TEK: variants seen among roughly 807,000 people sequenced by gnomAD.
TEK encodes angiopoietin-1 receptor.
TEK carries 43 observed loss-of-function variants against 131.8 expected under a neutral mutation model. The ratio of observed to expected loss-of-function variants is 0.33; its 90% CI spans 0.26 to 0.42. The LOEUF is 0.42. TEK is among the 10% of genes least tolerant of loss of function. TEK has a pLI of 1.00. For missense variants in TEK, 1,162 were observed against 1,384.4 expected, an observed-to-expected ratio of 0.84 and a Z score of 2.55; for synonymous variants, 580 against 491.6, an observed-to-expected ratio of 1.18 and a Z score of -2.38.
chr9:27,172,896 C>A (rs1006407726), intron 5 of TEK, 149 bp downstream of exon 5: 2 of 1,140,450 alleles, frequency 1.8e-6, no homozygotes, highest in Admixed American at 2.1e-5. Flanking sequence ...GAAAAAGGTG[C>A]CTTTTCCTAA....
intron 1 of TEK, among the ~76,000 whole-genome samples, chr9:27,132,241 C>T (rs1822255520): frequency 6.6e-6 from 1 of 152,008 alleles, no homozygotes; most frequent in Non-Finnish European, 1.5e-5. Flanking sequence ...GCGTGCACCA[C>T]CACACCTGAC....
intron 1 of TEK, among the ~76,000 whole-genome samples, chr9:27,151,593 A>AGT (rs2083840573): frequency 6.6e-6 from 1 of 152,172 alleles, no homozygotes; most frequent in African/African-American, 2.4e-5. Context: ...AGTCTGATAA[A>AGT]GTTTACCATT....
At chr9:27,207,428 G>C (rs575451984) in intron 15 of TEK, among the ~76,000 whole-genome samples, 3 of 152,204 alleles carry the variant, frequency 2.0e-5, no homozygotes, top group African/African-American at 7.2e-5. Context: ...ACTCAGGTTT[G>C]CAGAGAAAAC....
chr9:27,142,175 T>G (rs951939787), intron 1 of TEK, among the ~76,000 whole-genome samples: 1 of 152,176 alleles, frequency 6.6e-6, no homozygotes, highest in Non-Finnish European at 1.5e-5. Flanking sequence ...AGAGCTAGAA[T>G]GGACAGACAA....
intron 12 of TEK, among the ~76,000 whole-genome samples, chr9:27,198,918 C>T (rs978461606): frequency 6.6e-6 from 1 of 152,164 alleles, no homozygotes; most frequent in Non-Finnish European, 1.5e-5. Context: ...CCACCTCAGC[C>T]TCCTGAGTAG....
chr9:27,136,601 A>G (rs1564051470), intron 1 of TEK, among the ~76,000 whole-genome samples: 1 of 152,164 alleles, frequency 6.6e-6, no homozygotes, highest in Non-Finnish European at 1.5e-5. Flanking sequence ...ATACAGAGAC[A>G]CGGGGACTGA....
At chr9:27,136,332 G>C (rs1403036763) in intron 1 of TEK, among the ~76,000 whole-genome samples, 4 of 151,998 alleles carry the variant, frequency 2.6e-5, no homozygotes, top group South Asian at 2.1e-4. Flanking sequence ...CACCCACCTC[G>C]GTCTCCCAAA....
intron 1 of TEK, among the ~76,000 whole-genome samples, chr9:27,146,720 A>ATTTTTTTTTTTTTT (rs34727945): frequency 8.8e-6 from 1 of 113,692 alleles, no homozygotes; most frequent in African/African-American, 3.3e-5. Flanking sequence ...TAAACATTCT[A>ATTTTTTTTTTTTTT]TTTTTTTTTT....
At chr9:27,186,044 T>A (rs1314946204) in intron 9 of TEK, among the ~76,000 whole-genome samples, 1 of 152,208 alleles carries the variant, frequency 6.6e-6, no homozygotes, top group African/African-American at 2.4e-5. Context: ...ATTGCCGTTG[T>A]GACTTCCTGT....
At chr9:27,156,390 G>T (rs1180909378) in intron 1 of TEK, among the ~76,000 whole-genome samples, 2 of 151,932 alleles carry the variant, frequency 1.3e-5, no homozygotes, top group African/African-American at 4.8e-5. Flanking sequence ...TAAAACAGGA[G>T]GCCAAATTAG....
Position 27,229,352 on chromosome 9 carries a change from A to G in TEK, c.*120A>G. On this transcript the variant is annotated 3_prime_UTR_variant, in exon 23 of 23. Coordinates refer to ENST00000380036, the MANE Select transcript of TEK (RefSeq NM_000459.5). Reference sequence around the variant, plus strand: ...ATATAAGTGTACATATGTGCTGTACACCTGGGACCTTCACCACTGTAGATC... The same window carrying G: ...ATATAAGTGTACATATGTGCTGTACGCCTGGGACCTTCACCACTGTAGATC... The G allele has an allele frequency of 1.1e-6, 1 of 944,502 alleles. No individual in the cohort carries two copies. The highest frequency in any genetic ancestry group is 1.7e-6 in the Non-Finnish European group (1 of 581,486). The allele number at this position is 944,502 out of a possible 1,614,324, so 58.5% of individuals were successfully genotyped here. A position where few individuals can be genotyped will look rare whatever the true frequency, so the allele number is the denominator to read the frequency against.
chr9:27,144,066 G>A (rs1432513485), intron 1 of TEK, among the ~76,000 whole-genome samples: 2 of 152,274 alleles, frequency 1.3e-5, no homozygotes, highest in South Asian at 2.1e-4. Context: ...GGCAGAACAC[G>A]AGGTCAAGAG....
intron 12 of TEK, chr9:27,198,163 T>G (rs1259303236): frequency 6.0e-6 from 1 of 167,318 alleles, no homozygotes; most frequent in African/African-American, 2.4e-5. Context: ...GTCTATTCAT[T>G]ACTAAACTAA....
intron 1 of TEK, among the ~76,000 whole-genome samples, chr9:27,146,548 C>T: frequency 6.6e-6 from 1 of 152,088 alleles, no homozygotes; most frequent in East Asian, 1.9e-4. Flanking sequence ...ATGATTTTAG[C>T]TTCTTCACTC....
intron 1 of TEK, among the ~76,000 whole-genome samples, chr9:27,114,134 A>G (rs1390397502): frequency 6.6e-6 from 1 of 152,180 alleles, no homozygotes; most frequent in Non-Finnish European, 1.5e-5. Flanking sequence ...TTTCTTTTCT[A>G]TTCTCATTAG....
intron 18 of TEK, 56 bp downstream of exon 18, chr9:27,213,653 C>T: frequency 7.6e-7 from 1 of 1,321,850 alleles, no homozygotes; most frequent in East Asian, 2.3e-5. Context: ...CCCCTGTCTC[C>T]TGATGTTGCT....
chr9:27,191,519 TG>T (rs1197324663), intron 10 of TEK, among the ~76,000 whole-genome samples: 1 of 152,074 alleles, frequency 6.6e-6, no homozygotes, highest in Non-Finnish European at 1.5e-5. Flanking sequence ...CCCATACCTT[TG>T]TCTTACTATG....
chr9:27,189,072 T>C (rs560729154), intron 9 of TEK, among the ~76,000 whole-genome samples: 72 of 152,106 alleles, frequency 4.7e-4, no homozygotes, highest in African/African-American at 1.7e-3. Flanking sequence ...CATTGCAATG[T>C]CCTCTGAAAT....
At chr9:27,157,457 A>G (rs1823377438) in intron 1 of TEK, among the ~76,000 whole-genome samples, 1 of 152,254 alleles carries the variant, frequency 6.6e-6, no homozygotes, top group Non-Finnish European at 1.5e-5. Flanking sequence ...GTATCACATT[A>G]GCATCAATTG....
Sources: gnomAD v4.1 joint callset for allele counts (sites outside exome capture counted in the v4.1 genomes callset) on GRCh38, gnomAD v4.1.1 for gene constraint, MANE v1.5 for transcripts, NCBI Gene and HGNC (gene_info 2026-07-23, HGNC 2026-07-21) for gene names.